Variants in IRAG1 observed in about 807,000 individuals in gnomAD.
The protein encoded by IRAG1 is inositol 1,4,5-triphosphate receptor associated 1, also known as IP3R-associated cGMP kinase substrate.
A neutral mutation model predicts 106.2 loss-of-function variants in IRAG1; 62 were observed. The ratio of observed to expected loss-of-function variants is 0.58; its 90% CI spans 0.48 to 0.72. IRAG1 has a LOEUF of 0.72. IRAG1 is among the 30% of genes least tolerant of loss of function. IRAG1 has a pLI of 0.00. For missense variants in IRAG1, 1,064 were observed against 1,140.7 expected, an observed-to-expected ratio of 0.93 and a Z score of 0.97; for synonymous variants, 462 against 443.9, an observed-to-expected ratio of 1.04 and a Z score of -0.51.
intron 10 of IRAG1, among the ~76,000 whole-genome samples, chr11:10,622,102 T>C (rs1855878022): frequency 6.6e-6 from 1 of 152,138 alleles, no homozygotes; most frequent in Admixed American, 6.5e-5. Context: ...AAATGGCAAG[T>C]TGAATGTTAT....
chr11:10,675,298 C>T (rs1860565475), intron 1 of IRAG1, among the ~76,000 whole-genome samples: 1 of 152,186 alleles, frequency 6.6e-6, no homozygotes, highest in Admixed American at 6.5e-5. Context: ...GAATCTGGGC[C>T]ACCGTTAAGC....
chr11:10,683,282 T>A (rs1478690550), intron 1 of IRAG1, among the ~76,000 whole-genome samples: 1 of 151,376 alleles, frequency 6.6e-6, no homozygotes, highest in Non-Finnish European at 1.5e-5. Flanking sequence ...CCCAAGTAAG[T>A]AGGTTAATAA....
At chr11:10,594,783 G>A (rs1853091354) in intron 15 of IRAG1, among the ~76,000 whole-genome samples, 1 of 152,192 alleles carries the variant, frequency 6.6e-6, no homozygotes, top group African/African-American at 2.4e-5. Context: ...ACCTGAGTAT[G>A]TGCAGAGAAA....
chr11:10,692,585 C>T (rs918719053), intron 1 of IRAG1, among the ~76,000 whole-genome samples: 1 of 152,176 alleles, frequency 6.6e-6, no homozygotes, highest in Admixed American at 6.5e-5. Flanking sequence ...CTCACAGTCC[C>T]AGGAAGCTTC....
chr11:10,679,268 A>G (rs922436328), intron 1 of IRAG1, among the ~76,000 whole-genome samples: 1 of 152,190 alleles, frequency 6.6e-6, no homozygotes, highest in African/African-American at 2.4e-5. Context: ...TACATTCGCA[A>G]TGTTGTGCAC....
intron 10 of IRAG1, among the ~76,000 whole-genome samples, chr11:10,612,288 CACT>C (rs2134418412): frequency 6.6e-6 from 1 of 152,156 alleles, no homozygotes; most frequent in East Asian, 1.9e-4. Flanking sequence ...ATCTGAAACC[CACT>C]ACTAACCACC....
Position 10,629,561 on chromosome 11 carries a change from C to T in IRAG1, c.551G>A (p.Ser184Asn). 6.2e-7 allele frequency: 1 copy of T among 1,613,898 alleles called. No individual in the cohort carries two copies. Among genetic ancestry groups the T allele is most frequent in the Non-Finnish European group, 8.5e-7 (1 of 1,179,810 alleles). ...FLTRRGRKSR[S>N]SPGDSPSAVS... ...ACCTGATGGGGAGTCTCCGGGGCTG[C>T]TCCTGGACTTCCTCCCACGGCGGGT... The change falls in exon 5 of 21, where the codon AGC (serine) becomes AAC (asparagine). Residue 184 changes from serine (S) to asparagine (N), a missense_variant. Ser to Asn is a conservative substitution (Grantham distance 46). Transcript: ENST00000423302.
At chr11:10,642,966 T>C (rs1484635521) in intron 2 of IRAG1, among the ~76,000 whole-genome samples, 3 of 151,744 alleles carry the variant, frequency 2.0e-5, no homozygotes, top group Non-Finnish European at 4.4e-5. Flanking sequence ...GGTCAGGAGA[T>C]CGAGACCATC....
chr11:10,674,362 T>C (rs1443905328), intron 1 of IRAG1, among the ~76,000 whole-genome samples: 1 of 152,146 alleles, frequency 6.6e-6, no homozygotes, highest in African/African-American at 2.4e-5. Context: ...AGCAAAGACA[T>C]TCAAATAAAC....
intron 20 of IRAG1, among the ~76,000 whole-genome samples, chr11:10,580,011 T>A (rs1428313750): frequency 6.6e-6 from 1 of 152,232 alleles, no homozygotes; most frequent in African/African-American, 2.4e-5. Flanking sequence ...CTATTCCGTG[T>A]GTCCTCCCTG....
chr11:10,609,611 G>T, intron 11 of IRAG1, 117 bp downstream of exon 11: 1 of 1,192,406 alleles, frequency 8.4e-7, no homozygotes, highest in Non-Finnish European at 1.2e-6. Flanking sequence ...CTAGACAATT[G>T]GACTTTGGCC....
Position 10,659,069 on chromosome 11 carries a change from C to T in IRAG1, c.68-6887G>A, listed in dbSNP as rs76083911. ...TGCTTAGTCCCAGGTCTGGGCTGTG[C>T]TCAGTCCCAGGTTGGTCTGGTTTCA... On this transcript the variant is annotated intron_variant, in intron 1 of 20. Transcript: ENST00000423302. This position sits in a 1 kb window ranked among gnomAD's most constrained non-coding sequence, Gnocchi z 4.1. Among the ~76,000 whole-genome samples the T allele has an allele frequency of 0.035, 5,311 of 152,218 alleles. 333 individuals are homozygous for T. The highest frequency in any genetic ancestry group is 0.12 in the African/African-American group (5,040 of 41,524).
chr11:10,620,441 C>T (rs1014546543), intron 10 of IRAG1, among the ~76,000 whole-genome samples: 49 of 152,046 alleles, frequency 3.2e-4, no homozygotes, highest in African/African-American at 1.1e-3. Context: ...ATATTACCAA[C>T]AAAAACCAAA....
intron 15 of IRAG1, chr11:10,599,954 GA>G (rs1853789843): frequency 6.6e-6 from 1 of 152,176 alleles, no homozygotes; most frequent in Non-Finnish European, 1.5e-5. Context: ...CCGTTGCCTA[GA>G]GGCTCAAATT....
intron 1 of IRAG1, among the ~76,000 whole-genome samples, chr11:10,671,636 C>T (rs2135111075): frequency 6.6e-6 from 1 of 152,186 alleles, no homozygotes; most frequent in South Asian, 2.1e-4. Context: ...CGCTTGAACC[C>T]AGGAGGTGGA....
chr11:10,687,977 G>T (rs1861789117), intron 1 of IRAG1, among the ~76,000 whole-genome samples: 1 of 151,710 alleles, frequency 6.6e-6, no homozygotes, highest in Admixed American at 6.6e-5. Context: ...CAAAATGCAA[G>T]AATTTCTGGC....
chr11:10,617,471 A>G (rs78093838), intron 10 of IRAG1, among the ~76,000 whole-genome samples: 7,570 of 152,300 alleles, frequency 0.05, 209 homozygotes, highest in African/African-American at 0.068. Flanking sequence ...TGCTTCCTCC[A>G]AAGAAGAGAA....
At chr11:10,668,008 A>G (rs1018377258) in intron 1 of IRAG1, among the ~76,000 whole-genome samples, 44 of 152,190 alleles carry the variant, frequency 2.9e-4, no homozygotes, top group African/African-American at 1.0e-3. Context: ...ACACCAAGGT[A>G]TCCTGCACCC....
Position 10,628,079 on chromosome 11 carries a change from G to T in IRAG1, c.653-54C>A. ...GGCCCAGCAGCCCAGGCCCTCAGCT[G>T]TGCTTTCAGCCACATCTCCCTCCCC... On this transcript the variant is annotated intron_variant, in intron 6 of 20. Transcript: ENST00000423302. The surrounding 1 kb of genome is among the most constrained non-coding windows in gnomAD (Gnocchi z 4.1). 6.3e-7 allele frequency: 1 copy of T among 1,595,286 alleles called. No individual in the cohort carries two copies. Among genetic ancestry groups the T allele is most frequent in the Non-Finnish European group, 8.6e-7 (1 of 1,165,860 alleles).
Sources: gnomAD v4.1 joint callset for allele counts (sites outside exome capture counted in the v4.1 genomes callset) on GRCh38, gnomAD v4.1.1 for gene constraint, Gnocchi (gnomAD v3.1) non-coding constraint, MANE v1.5 for transcripts, NCBI Gene and HGNC (gene_info 2026-07-23, HGNC 2026-07-21) for gene names.